ELP6: variants seen among roughly 807,000 people sequenced by gnomAD.
The protein encoded by ELP6 is elongator complex protein 6.
Under a neutral mutation model 28.1 loss-of-function variants are expected in ELP6, and 23 were observed. The observed-to-expected ratio is 0.82, with a 90% confidence interval of 0.59 to 1.16. The LOEUF (loss-of-function observed/expected upper bound fraction) is 1.16. ELP6 is among the 50% of genes most tolerant of loss of function. The pLI is 0.00. For synonymous variants in ELP6, 132 were observed against 135.8 expected (o/e 0.97, Z 0.19); for missense variants, 313 against 334.6 (o/e 0.94, Z 0.50).
At chr3:47,513,470 C>G (rs573616420) in intron 1 of ELP6, 67 bp downstream of exon 1, 55 of 1,580,876 alleles carry the variant, frequency 3.5e-5, no homozygotes, top group Middle Eastern at 1.7e-4. Flanking sequence ...GTGCGCACCG[C>G]CTCCCGGATG....
chr3:47,501,409 G>A (rs1004114603), intron 5 of ELP6: 14 of 528,470 alleles, frequency 2.6e-5, no homozygotes, highest in African/African-American at 7.6e-5. Flanking sequence ...GGACTGCAGC[G>A]GTGCCACACA....
At chr3:47,503,596 A>G in intron 4 of ELP6, 1 of 455,850 alleles carries the variant, frequency 2.2e-6, no homozygotes, top group Non-Finnish European at 3.5e-6. Context: ...TACTTACAAA[A>G]AATAAATTTA....
intron 6 of ELP6, 110 bp from the exon 7 acceptor site, chr3:47,496,307 T>C (rs558030449): frequency 9.7e-6 from 14 of 1,450,502 alleles, no homozygotes; most frequent in Non-Finnish European, 1.3e-5. Context: ...TATGAGATGA[T>C]AGTCAGATGT....
At chr3:47,502,518 C>T in intron 4 of ELP6, 1 of 984,772 alleles carries the variant, frequency 1.0e-6, no homozygotes, top group African/African-American at 1.7e-5. Flanking sequence ...GGAAACCTTC[C>T]CAGGAGGTTA....
At chr3:47,507,790 C>T (rs1708885429) in intron 3 of ELP6, among the ~76,000 whole-genome samples, 1 of 152,158 alleles carries the variant, frequency 6.6e-6, no homozygotes, top group South Asian at 2.1e-4. Context: ...GGGAAAAAGA[C>T]TCCTGATCAT....
At chr3:47,504,951 C>T (rs959650522) in intron 3 of ELP6, among the ~76,000 whole-genome samples, 2 of 151,856 alleles carry the variant, frequency 1.3e-5, no homozygotes, top group Non-Finnish European at 2.9e-5. Flanking sequence ...CAGAGCGAAA[C>T]CCTGTCTCAA....
In ELP6 at chr3:47,495,978, C is replaced by T. The variant is rs1708468145; in HGVS notation, c.*91G>A. The T allele has an allele frequency of 5.0e-6, 8 of 1,600,608 alleles. No homozygotes were observed. The Admixed American group carries it at 8.7e-5, about 17-fold the overall frequency. ...GTCGCCGGTCCAGCCTGAAATATTA[C>T]TACAGAGGAGAAAGACCCATTCTTG... is the stretch of plus-strand genomic sequence containing the variant. On this transcript the variant is annotated 3_prime_UTR_variant, in exon 7 of 7. Transcript: ENST00000296149.
chr3:47,498,797 C>T (rs1708554365), intron 5 of ELP6: 1 of 766,436 alleles, frequency 1.3e-6, no homozygotes, highest in Non-Finnish European at 1.6e-6. Flanking sequence ...GTACCAGATC[C>T]CACAGTAGGA....
intron 1 of ELP6, 104 bp from the exon 2 acceptor site, chr3:47,511,330 A>G: frequency 6.8e-7 from 1 of 1,468,278 alleles, no homozygotes; most frequent in South Asian, 1.3e-5. Context: ...CTCCACCTGA[A>G]GAGTTTATTT....
intron 5 of ELP6, among the ~76,000 whole-genome samples, chr3:47,499,180 C>T (rs1708565307): frequency 6.6e-6 from 1 of 152,166 alleles, no homozygotes; most frequent in South Asian, 2.1e-4. Context: ...AGTTCAATGC[C>T]AGCCCAGGCA....
At chr3:47,501,372 G>A (rs1708644355) in intron 5 of ELP6, among the ~76,000 whole-genome samples, 1 of 152,056 alleles carries the variant, frequency 6.6e-6, no homozygotes, top group South Asian at 2.1e-4. Flanking sequence ...CTTGCCCCAG[G>A]ACACACAGGC....
At chr3:47,504,803 T>A (rs914610834) in intron 3 of ELP6, 11 of 231,606 alleles carry the variant, frequency 4.7e-5, no homozygotes, top group East Asian at 1.8e-4. Flanking sequence ...AAAAAAAATT[T>A]AAAAAAATTA....
At chr3:47,508,283 G>A (rs939707766) in intron 3 of ELP6, among the ~76,000 whole-genome samples, 3 of 151,754 alleles carry the variant, frequency 2.0e-5, no homozygotes, top group Non-Finnish European at 4.4e-5. Context: ...TTGCTCTTTC[G>A]CCAAGGCTGG....
At chr3:47,502,627 G>A in intron 4 of ELP6, 1 of 898,064 alleles carries the variant, frequency 1.1e-6, no homozygotes, top group Non-Finnish European at 1.3e-6. Context: ...TTGAGCCCAG[G>A]AGTTCAAGAA....
At chr3:47,503,631 G>A (rs957126410) in intron 4 of ELP6, among the ~76,000 whole-genome samples, 1 of 152,068 alleles carries the variant, frequency 6.6e-6, no homozygotes, top group African/African-American at 2.4e-5. Flanking sequence ...GGCCGGGCGC[G>A]GTGGCTCACT....
rs916949660 is a variant in ELP6 at position 47,502,969 on chromosome 3, C to T, written c.324-1118G>A. The T allele has an allele frequency of 5.0e-5, 46 of 923,426 alleles. 1 individual carries two copies. Among genetic ancestry groups the T allele is most frequent in the South Asian group, 1.5e-4 (3 of 20,074 alleles). 57.2% of individuals were successfully genotyped at this position (923,426 alleles called of 1,614,324 possible). On this transcript the variant is annotated intron_variant, in intron 4 of 6. Coordinates refer to ENST00000296149, the MANE Select transcript of ELP6 (RefSeq NM_001031703.3). ...TGACACAAGCCAGCTTGCCTATCTC[C>T]GTCTTCTCCAGTGACTACCCCTGGC... is the stretch of plus-strand genomic sequence containing the variant.
At chr3:47,503,143 C>T in intron 4 of ELP6, 1 of 1,145,018 alleles carries the variant, frequency 8.7e-7, no homozygotes, top group Non-Finnish European at 1.1e-6. Flanking sequence ...GAGGTATAAC[C>T]AGCCCCTGCC....
intron 5 of ELP6, among the ~76,000 whole-genome samples, chr3:47,501,038 C>T (rs1195767590): frequency 1.3e-5 from 2 of 152,162 alleles, no homozygotes; most frequent in African/African-American, 2.4e-5. Flanking sequence ...ACAGCCATTC[C>T]TATTTTATTG....
chr3:47,511,580 A>C (rs1194319721), intron 1 of ELP6: 1 of 780,514 alleles, frequency 1.3e-6, no homozygotes, highest in Non-Finnish European at 1.6e-6. Context: ...TTACCATCAG[A>C]CTCCAGTGAA....
Sources: gnomAD v4.1 joint callset for allele counts (sites outside exome capture counted in the v4.1 genomes callset) on GRCh38, gnomAD v4.1.1 for gene constraint, MANE v1.5 for transcripts, NCBI Gene and HGNC (gene_info 2026-07-23, HGNC 2026-07-21) for gene names.